The following TPRG1 variants were observed in gnomAD, a reference collection of about 807,000 sequenced individuals.
TPRG1 encodes the protein tumor protein p63-regulated gene 1 protein.
A neutral mutation model predicts 29.3 loss-of-function variants in TPRG1; 29 were observed. The observed-to-expected ratio is 0.99, with a 90% CI of 0.74 to 1.35. The LOEUF (loss-of-function observed/expected upper bound fraction) is 1.35. Among genes scored for constraint, TPRG1 ranks in the 40% most tolerant of loss-of-function variants. The pLI is 0.00. For missense variants in TPRG1, 327 were observed against 335.0 expected, an observed-to-expected ratio of 0.98 and a Z score of 0.19; for synonymous variants, 130 against 116.8, an observed-to-expected ratio of 1.11 and a Z score of -0.73.
At chr3:189,063,131 G>A (rs1476227070) in intron 4 of TPRG1, among the ~76,000 whole-genome samples, 4 of 151,966 alleles carry the variant, frequency 2.6e-5, no homozygotes, top group African/African-American at 9.7e-5. Context: ...TAATAAAGTG[G>A]ACTTCAGAGC....
intron 3 of TPRG1, among the ~76,000 whole-genome samples, chr3:189,006,833 G>C (rs1712313816): frequency 1.3e-5 from 2 of 152,082 alleles, no homozygotes; most frequent in African/African-American, 4.8e-5. Flanking sequence ...ATACAGCCAG[G>C]CACATTTTTG....
intron 4 of TPRG1, among the ~76,000 whole-genome samples, chr3:189,263,356 A>T (rs970308767): frequency 1.3e-5 from 2 of 152,224 alleles, no homozygotes; most frequent in African/African-American, 4.8e-5. Flanking sequence ...AGAAGAACAG[A>T]GAGAGCTTGG....
intron 3 of TPRG1, 191 bp from the exon 4 acceptor site, chr3:189,238,542 C>T (rs7615934): frequency 0.068 from 29,478 of 435,776 alleles, 2,093 homozygotes; most frequent in African/African-American, 0.25. Context: ...CATCATCTTC[C>T]ACCTTTCCTC....
chr3:188,998,429 A>G (rs1711895521), intron 1 of TPRG1, among the ~76,000 whole-genome samples: 1 of 152,224 alleles, frequency 6.6e-6, no homozygotes, highest in Non-Finnish European at 1.5e-5. Context: ...TAGGAAACAC[A>G]TATGGTATGA....
Position 189,310,381 on chromosome 3 carries a change from T to C in TPRG1, c.480-5T>C. On this transcript the variant is annotated splice_polypyrimidine_tract_variant and splice_region_variant and intron_variant, in intron 4 of 5. Coordinates refer to ENST00000345063, the MANE Select transcript of TPRG1 (RefSeq NM_198485.4). ...CTAATCTAATGGAAAACGCCTTTCT[T>C]GTAGGAGACAAGGAGAAGGCCTTAG... 2 of 1,586,944 alleles carry C rather than the reference T, an allele frequency of 1.3e-6. No individual in the cohort carries two copies. Among genetic ancestry groups the C allele is most frequent in the Non-Finnish European group, 1.7e-6 (2 of 1,166,646 alleles).
chr3:189,312,174 T>C (rs1202681641), intron 5 of TPRG1, among the ~76,000 whole-genome samples: 7 of 72,814 alleles, frequency 9.6e-5, no homozygotes, highest in African/African-American at 3.6e-4. Context: ...TCTTTCTTTC[T>C]TTCTTTCTTT....
At chr3:189,095,851 G>A (rs369083259), upstream of TPRG1, among the ~76,000 whole-genome samples, 48 of 152,266 alleles carry the variant, frequency 3.2e-4, no homozygotes, top group African/African-American at 8.7e-4. Context: ...GATAGAAGAA[G>A]CTCAGCCAGG....
chr3:189,187,395 C>T (rs984849342), intron 1 of TPRG1, among the ~76,000 whole-genome samples: 1 of 152,074 alleles, frequency 6.6e-6, no homozygotes, highest in African/African-American at 2.4e-5. Flanking sequence ...CAACCTCTGC[C>T]TCCTGGGTTC....
intron 4 of TPRG1, among the ~76,000 whole-genome samples, chr3:189,035,000 A>G (rs1272451420): frequency 2.0e-5 from 3 of 152,216 alleles, no homozygotes; most frequent in African/African-American, 4.8e-5. Context: ...AGCAAAAAGG[A>G]CAAAGCTGGA....
At chr3:189,219,096 G>T (rs1412826607) in intron 3 of TPRG1, among the ~76,000 whole-genome samples, 1 of 152,114 alleles carries the variant, frequency 6.6e-6, no homozygotes, top group African/African-American at 2.4e-5. Context: ...TGAGAAATGA[G>T]AATTTTTCAG....
At chr3:189,315,349 C>T in intron 5 of TPRG1, 1 of 338,396 alleles carries the variant, frequency 3.0e-6, no homozygotes, top group Non-Finnish European at 6.0e-6. Context: ...ACTGTGTGTA[C>T]ATTTGTATTA....
At chr3:189,157,720 T>C (rs867603029) in intron 5 of TPRG1, among the ~76,000 whole-genome samples, 3 of 152,176 alleles carry the variant, frequency 2.0e-5, no homozygotes, top group Admixed American at 6.5e-5. Flanking sequence ...CACCATGCTG[T>C]TGCCTCCCAG....
intron 4 of TPRG1, among the ~76,000 whole-genome samples, chr3:189,273,745 C>T (rs545932886): frequency 6.6e-6 from 1 of 152,258 alleles, no homozygotes; most frequent in Non-Finnish European, 1.5e-5. Flanking sequence ...TTTATTCTCC[C>T]TGTGTCTGGG....
At chr3:189,310,360 T>C in intron 4 of TPRG1, 26 bp from the exon 5 acceptor site, 1 of 1,544,424 alleles carries the variant, frequency 6.5e-7, no homozygotes, top group South Asian at 1.2e-5. Context: ...AAATGACTAA[T>C]CTAATGGAAA....
chr3:189,104,098 G>A (rs897336328), intron 1 of TPRG1, among the ~76,000 whole-genome samples: 5 of 152,158 alleles, frequency 3.3e-5, no homozygotes, highest in Non-Finnish European at 7.4e-5. Context: ...CAGAATAAGG[G>A]AGAGCTACAT....
At chr3:189,210,132 T>C (rs1230541373) in intron 2 of TPRG1, among the ~76,000 whole-genome samples, 3 of 152,072 alleles carry the variant, frequency 2.0e-5, no homozygotes, top group Non-Finnish European at 4.4e-5. Context: ...TCTGTGTGTG[T>C]TGGGGGGAGG....
At chr3:189,310,345 A>T in intron 4 of TPRG1, 41 bp from the exon 5 acceptor site, 1 of 1,482,610 alleles carries the variant, frequency 6.7e-7, no homozygotes, top group Non-Finnish European at 9.0e-7. Context: ...TTTTTTTGGA[A>T]ATGGAAATGA....
At chr3:189,194,902 C>A (rs1353490254) in intron 1 of TPRG1, among the ~76,000 whole-genome samples, 4 of 152,100 alleles carry the variant, frequency 2.6e-5, no homozygotes, top group African/African-American at 9.7e-5. Flanking sequence ...GACTTCACTC[C>A]CCAGGAAGAG....
At chr3:189,025,108 G>A (rs1413594493) in intron 4 of TPRG1, among the ~76,000 whole-genome samples, 1 of 152,136 alleles carries the variant, frequency 6.6e-6, no homozygotes, top group Non-Finnish European at 1.5e-5. Context: ...ACCTTTCTTG[G>A]GGATCCTAAG....
Sources: allele counts gnomAD v4.1 joint callset (sites outside exome capture counted in the v4.1 genomes callset), GRCh38; gene constraint gnomAD v4.1.1; transcripts MANE v1.5; gene names NCBI Gene and HGNC (gene_info 2026-07-23, HGNC 2026-07-21).